Variants in DAB2 observed in about 807,000 individuals in gnomAD.
DAB2 encodes the protein DAB adaptor protein 2.
Under a neutral mutation model 71.6 loss-of-function variants are expected in DAB2, and 28 were observed. The ratio of observed to expected loss-of-function variants is 0.39; its 90% confidence interval spans 0.29 to 0.54. The LOEUF (loss-of-function observed/expected upper bound fraction) is 0.54, where lower values mean the gene tolerates loss of function less well. Ranked by LOEUF, DAB2 falls within the 20% of genes least tolerant of loss-of-function variation. The pLI, the probability that DAB2 is intolerant of heterozygous loss-of-function variation, is 0.68. For missense variants in DAB2, 867 were observed against 928.8 expected, an observed-to-expected ratio of 0.93 and a Z score of 0.86; for synonymous variants, 345 against 339.7, an observed-to-expected ratio of 1.02 and a Z score of -0.17.
intron 1 of DAB2, among the ~76,000 whole-genome samples, chr5:39,411,221 T>TA (rs778218436): frequency 5.0e-4 from 76 of 152,064 alleles, no homozygotes; most frequent in Non-Finnish European, 9.0e-4. Flanking sequence ...TATATTGAAC[T>TA]AAAAAAAGGT....
In DAB2 at chr5:39,388,997, A is replaced by G. The variant is rs1755161602; in HGVS notation, c.570+100T>C. The G allele has an allele frequency of 7.5e-6, 10 of 1,334,354 alleles. 1 individual carries two copies. The South Asian group carries it at 1.2e-4, about 16-fold the overall frequency. 82.7% of individuals were successfully genotyped at this position (1,334,354 alleles called of 1,614,324 possible). A position where few individuals can be genotyped will look rare whatever the true frequency, so the allele number is the denominator to read the frequency against. ...TCATGATCAGAGAAGTCATAAACAC[A>G]TAGTAATAAGCGAGGTGGCGAGAGT... On this transcript the variant is annotated intron_variant, in intron 7 of 14. Transcript: ENST00000320816.
chr5:39,390,563 C>A lies in DAB2; in HGVS notation c.343G>T (p.Glu115Ter). 6.2e-7 allele frequency: 1 copy of A among 1,612,284 alleles called. No individual in the cohort carries two copies. The highest frequency in any genetic ancestry group is 1.1e-5 in the South Asian group (1 of 90,944). ...IDEKTGVIEH[E>*]HPVNKISFIA... Reference sequence around the variant, plus strand: ...AAAGAAATCTTATTTACTGGATGTTCATGCTCTATTACCTTAAAAAAGAAC... The same window carrying A: ...AAAGAAATCTTATTTACTGGATGTTAATGCTCTATTACCTTAAAAAAGAAC... Residue 115 changes from glutamate to a stop codon, truncating the protein, a stop_gained, in exon 5 of 15, where the codon GAA (glutamate) becomes TAA (stop). Coordinates refer to ENST00000320816, the MANE Select transcript of DAB2 (RefSeq NM_001343.4). LOFTEE classifies it high-confidence loss of function.
chr5:39,390,594 G>T lies in DAB2; in HGVS notation c.331-19C>A. On this transcript the variant is annotated intron_variant, in intron 4 of 14. Transcript: ENST00000320816. ...CTATTACCTTAAAAAAGAACATAAA[G>T]AGTAATTTATTAAGAAAACTAGAAT... is the stretch of plus-strand genomic sequence containing the variant. 10 of 1,588,402 alleles carry T rather than the reference G, an allele frequency of 6.3e-6. No individual in the cohort carries two copies. Among genetic ancestry groups the T allele is most frequent in the Non-Finnish European group, 8.6e-6 (10 of 1,161,676 alleles).
chr5:39,382,230 T>C (rs1276216767), intron 10 of DAB2, among the ~76,000 whole-genome samples: 5 of 152,086 alleles, frequency 3.3e-5, no homozygotes, highest in Non-Finnish European at 7.4e-5. Context: ...TGATGCAACA[T>C]GATGGGTGTG....
Position 39,383,281 on chromosome 5 carries a change from T to A in DAB2, c.688-10A>T. The A allele has an allele frequency of 1.3e-6, 2 of 1,575,910 alleles. No homozygotes were observed. Among genetic ancestry groups the A allele is most frequent in the Middle Eastern group, 1.7e-4 (1 of 5,852 alleles). On this transcript the variant is annotated splice_polypyrimidine_tract_variant and intron_variant, in intron 9 of 14. Transcript: ENST00000320816. Reference sequence around the variant, plus strand: ...GGATATCTTTGCTTTCCTATCACATTTGGAAAGAAAAAAAAAGAAAGTGTT... The same window carrying A: ...GGATATCTTTGCTTTCCTATCACATATGGAAAGAAAAAAAAAGAAAGTGTT...
chr5:39,399,751 A>G (rs1561374861), intron 1 of DAB2, among the ~76,000 whole-genome samples: 1 of 152,228 alleles, frequency 6.6e-6, no homozygotes, highest in Non-Finnish European at 1.5e-5. Flanking sequence ...GGGCTTTGCA[A>G]TAATAAAAAT....
chr5:39,389,163 TAGTGAAAGGG>T, intron 6 of DAB2, 40 bp from the exon 7 acceptor site: 8 of 1,544,108 alleles, frequency 5.2e-6, no homozygotes, highest in Non-Finnish European at 7.2e-6. Context: ...TTCATATTCA[TAGTGAAAGGG>T]AGTTAAATAC....
rs138667371 is a variant in DAB2 at position 39,422,146 on chromosome 5, G to A, written c.-102+2658C>T. Among the ~76,000 whole-genome samples, 48 of 152,206 alleles carry A rather than the reference G, an allele frequency of 3.2e-4. No homozygotes were observed. Among genetic ancestry groups the A allele is most frequent in the East Asian group, 9.6e-4 (5 of 5,182 alleles). ...TTGGCCAACCTTTGTGCAATTCAGC[G>A]GCACAGCTTCAACTTTGGAATTACA... On this transcript the variant is annotated intron_variant, in intron 1 of 14. Transcript: ENST00000320816. The surrounding 1 kb of genome is among the most constrained non-coding windows in gnomAD (Gnocchi z 4.1).
intron 1 of DAB2, among the ~76,000 whole-genome samples, chr5:39,403,021 C>T (rs1422699400): frequency 6.6e-6 from 1 of 152,176 alleles, no homozygotes; most frequent in Admixed American, 6.5e-5. Context: ...AATTAGATCA[C>T]AGTCTCTGGG....
At chr5:39,381,106 T>G (rs1195487518) in intron 11 of DAB2, among the ~76,000 whole-genome samples, 3 of 152,234 alleles carry the variant, frequency 2.0e-5, no homozygotes, top group African/African-American at 7.2e-5. Flanking sequence ...ACATGCATGT[T>G]GACAGACAAG....
chr5:39,389,915 A>C lies in DAB2; in HGVS notation c.480T>G (p.Val160=), dbSNP rs757335652. 1 of 1,596,026 alleles carries C rather than the reference A, an allele frequency of 6.3e-7. No homozygotes were observed. Among genetic ancestry groups the C allele is most frequent in the South Asian group, 1.1e-5 (1 of 88,974 alleles). ...TAACTTGAAAAAGGTCTTTAAGATCAACAACTAATGGTTCAGCCTGCAGTA... is the reference window on the plus strand; with the variant it reads ...TAACTTGAAAAAGGTCTTTAAGATCCACAACTAATGGTTCAGCCTGCAGTA... ...KTGQQAEPLV[V]DLKDLFQVIY... Residue 160 remains valine, a synonymous_variant, in exon 6 of 15, where the codon GTT becomes GTG. Coordinates refer to ENST00000320816, the MANE Select transcript of DAB2 (RefSeq NM_001343.4).
intron 10 of DAB2, among the ~76,000 whole-genome samples, chr5:39,381,905 C>T (rs1303551882): frequency 6.6e-6 from 1 of 152,176 alleles, no homozygotes; most frequent in Non-Finnish European, 1.5e-5. Context: ...GGTCTCATCG[C>T]TAAATGCTTG....
At position 39,392,369 on chromosome 5, in the gene DAB2, G is replaced by C. The variant is rs150108263; in HGVS notation, c.326C>G (p.Thr109Ser). 2.0e-5 allele frequency: 33 copies of C among 1,612,370 alleles called. No homozygotes were observed. The African/African-American group carries it at 3.7e-4, about 18-fold the overall frequency. The change falls in exon 4 of 15, where the codon ACT (threonine) becomes AGT (serine). Residue 109 changes from threonine (T) to serine (S), a missense_variant. Around this residue, in one of 2 missense-constraint regions of DAB2, gnomAD observed 127 missense variants for 194.4 expected, o/e 0.65. Coordinates refer to ENST00000320816, the MANE Select transcript of DAB2 (RefSeq NM_001343.4). Reference sequence around the variant, plus strand: ...TCAGCAAATGTGAATTCTTACCCCAGTTTTCTCATCAATTATTTTTATCCC... The same window carrying C: ...TCAGCAAATGTGAATTCTTACCCCACTTTTCTCATCAATTATTTTTATCCC... ...LSGIKIIDEK[T>S]GVIEHEHPVN...
At chr5:39,374,603 C>T (rs547613777) in intron 14 of DAB2, 1 of 174,768 alleles carries the variant, frequency 5.7e-6, no homozygotes, top group Admixed American at 6.4e-5. Context: ...GTTTTGCTGA[C>T]TTGGTGGCTT....
chr5:39,388,689 T>C (rs932477398), intron 8 of DAB2, 110 bp downstream of exon 8: 65 of 881,696 alleles, frequency 7.4e-5, no homozygotes, highest in Middle Eastern at 6.9e-4. Context: ...GTTGTCTCAA[T>C]TGGATTTTCA....
chr5:39,421,904 A>T (rs1368702197), intron 1 of DAB2, among the ~76,000 whole-genome samples: 2 of 264 alleles, frequency 7.6e-3, no homozygotes, highest in South Asian at 0.071. Context: ...TACTACTACA[A>T]AAAAAAAAAA....
chr5:39,385,853 C>T (rs1433748572), intron 9 of DAB2, among the ~76,000 whole-genome samples: 3 of 152,140 alleles, frequency 2.0e-5, no homozygotes, highest in Non-Finnish European at 4.4e-5. Flanking sequence ...CACAATAAGA[C>T]CCACGTTGTT....
At position 39,377,095 on chromosome 5, in the gene DAB2, T is replaced by G; in HGVS notation, c.1692A>C (p.Ser564=). The G allele has an allele frequency of 6.2e-7, 1 of 1,614,044 alleles. No homozygotes were observed. The highest frequency in any genetic ancestry group is 1.3e-5 in the African/African-American group (1 of 75,012). ...GWNQPSPFAA[S]TPPPVPVVWG... ...AGACAACAGGCACTGGAGGGGGAGT[T>G]GAGGCTGCAAAGGGTGAAGGCTGGT... The change falls in exon 12 of 15, where the codon TCA becomes TCC. Residue 564 remains serine (S), a synonymous_variant. Coordinates refer to ENST00000320816, the MANE Select transcript of DAB2 (RefSeq NM_001343.4).
intron 1 of DAB2, among the ~76,000 whole-genome samples, 182 bp downstream of exon 1, chr5:39,424,622 C>G (rs1018632982): frequency 1.3e-5 from 2 of 150,756 alleles, no homozygotes; most frequent in African/African-American, 4.9e-5. Context: ...AGATGTCAGG[C>G]CACAAAACTG....
Sources: allele counts gnomAD v4.1 joint callset (sites outside exome capture counted in the v4.1 genomes callset), GRCh38; gene constraint gnomAD v4.1.1; regional missense constraint gnomAD v4.1.1; non-coding constraint Gnocchi (gnomAD v3.1); transcripts MANE v1.5; gene names NCBI Gene and HGNC (gene_info 2026-07-23, HGNC 2026-07-21).